The following B3GAT2 variants were observed in gnomAD, a reference collection of about 807,000 sequenced individuals.
B3GAT2 encodes the protein galactosylgalactosylxylosylprotein 3-beta-glucuronosyltransferase 2.
Under a neutral mutation model 27.8 loss-of-function variants are expected in B3GAT2, and 26 were observed. The ratio of observed to expected loss-of-function variants is 0.93; its 90% CI spans 0.68 to 1.30. The LOEUF (loss-of-function observed/expected upper bound fraction) is 1.30, where lower values mean the gene tolerates loss of function less well. Among genes scored for constraint, B3GAT2 ranks in the 50% most tolerant of loss-of-function variants. B3GAT2 has a pLI of 0.00. For synonymous variants in B3GAT2, 218 were observed against 195.1 expected (o/e 1.12, Z -0.98); for missense variants, 458 against 459.0 (o/e 1.00, Z 0.02).
At chr6:70,916,986 T>G (rs1193566431) in intron 1 of B3GAT2, among the ~76,000 whole-genome samples, 2 of 152,154 alleles carry the variant, frequency 1.3e-5, no homozygotes, top group Non-Finnish European at 2.9e-5. Context: ...CTAGCTCCTC[T>G]TTGTGCCCCT....
intron 1 of B3GAT2, among the ~76,000 whole-genome samples, chr6:70,935,077 T>C (rs540625859): frequency 6.6e-6 from 1 of 151,968 alleles, no homozygotes; most frequent in Non-Finnish European, 1.5e-5. Context: ...GGAGATGACT[T>C]TGAACCTCAA....
chr6:70,873,672 C>T (rs117031243), intron 2 of B3GAT2, among the ~76,000 whole-genome samples: 4,408 of 151,908 alleles, frequency 0.029, 88 homozygotes, highest in Middle Eastern at 0.051. Context: ...TCTTTTTCTA[C>T]GACTCATAAT....
At chr6:70,887,358 C>G (rs1772204809) in intron 2 of B3GAT2, among the ~76,000 whole-genome samples, 1 of 152,192 alleles carries the variant, frequency 6.6e-6, no homozygotes, top group Admixed American at 6.5e-5. Flanking sequence ...CACGTCCCTG[C>G]AGAGAGCCCA....
At chr6:70,945,088 A>C (rs1368313314) in intron 1 of B3GAT2, among the ~76,000 whole-genome samples, 6 of 152,160 alleles carry the variant, frequency 3.9e-5, no homozygotes, top group Non-Finnish European at 8.8e-5. Context: ...ACCATCATCA[A>C]AGACCAAAAG....
chr6:70,906,813 C>T (rs1772609308), intron 1 of B3GAT2, among the ~76,000 whole-genome samples: 1 of 152,152 alleles, frequency 6.6e-6, no homozygotes, highest in African/African-American at 2.4e-5. Flanking sequence ...TAATTAACAT[C>T]TAATACTGCT....
At chr6:70,954,935 G>A (rs1013146257) in intron 1 of B3GAT2, among the ~76,000 whole-genome samples, 1 of 150,892 alleles carries the variant, frequency 6.6e-6, no homozygotes, top group East Asian at 2.0e-4. Flanking sequence ...CGGTGCGCGC[G>A]TGGCCATCCC....
rs543635050 is a variant in B3GAT2, at chr6:70,860,115, A to G, written c.*1548T>C. 1.4e-5 allele frequency: 20 copies of G among 1,456,094 alleles called. No homozygotes were observed. In the South Asian group the frequency reaches 2.4e-4, roughly 18 times the overall value. The allele number at this position is 1,456,094 out of a possible 1,614,324, so 90.2% of individuals were successfully genotyped here. A position where few individuals can be genotyped will look rare whatever the true frequency, so the allele number is the denominator to read the frequency against. Reference sequence around the variant, plus strand: ...GCTTGGACTAGTTGTCACATTAATGAAAAAATGACCAACTGTGTGGCTAAA... The same window carrying G: ...GCTTGGACTAGTTGTCACATTAATGGAAAAATGACCAACTGTGTGGCTAAA... On this transcript the variant is annotated 3_prime_UTR_variant, in exon 4 of 4. Coordinates refer to ENST00000230053, the MANE Select transcript of B3GAT2 (RefSeq NM_080742.3).
chr6:70,895,811 T>TAAC (rs1772373728), intron 1 of B3GAT2, among the ~76,000 whole-genome samples: 1 of 150,742 alleles, frequency 6.6e-6, no homozygotes, highest in Non-Finnish European at 1.5e-5. Flanking sequence ...TGTCTTGTGC[T>TAAC]AACTCACACT....
At chr6:70,917,585 T>C (rs183152074) in intron 1 of B3GAT2, among the ~76,000 whole-genome samples, 8 of 152,352 alleles carry the variant, frequency 5.3e-5, no homozygotes, top group African/African-American at 1.9e-4. Flanking sequence ...TCAGAGATTC[T>C]TGAACGTTGT....
At chr6:70,920,099 T>C (rs1281873210) in intron 1 of B3GAT2, among the ~76,000 whole-genome samples, 3 of 151,678 alleles carry the variant, frequency 2.0e-5, no homozygotes, top group African/African-American at 7.3e-5. Context: ...GCTGTGAGCA[T>C]AGAACCGCTT....
rs1582407400 is a variant in B3GAT2, at chr6:70,956,500, A to C, written c.-71T>G. On this transcript the variant is annotated 5_prime_UTR_variant, in exon 1 of 4. Transcript: ENST00000230053. ...CGAGGGACCCCAGTGCGCAGCTTGG[A>C]CAGCGGCGGCGCCAGCACTTAGGGA... The C allele has an allele frequency of 9.1e-6, 14 of 1,544,090 alleles. No individual in the cohort carries two copies. The highest frequency in any genetic ancestry group is 1.2e-5 in the South Asian group (1 of 83,148).
chr6:70,862,381 CTCTCCTGCCTGCCCTGT>C (rs1443649206), intron 2 of B3GAT2, among the ~76,000 whole-genome samples: 1 of 152,172 alleles, frequency 6.6e-6, no homozygotes, highest in African/African-American at 2.4e-5. Context: ...ACATGCCCAG[CTCTCCTGCCTGCCCTGT>C]AATATTAATT....
At chr6:70,921,473 A>T (rs1246827220) in intron 1 of B3GAT2, among the ~76,000 whole-genome samples, 1 of 152,140 alleles carries the variant, frequency 6.6e-6, no homozygotes, top group Admixed American at 6.5e-5. Flanking sequence ...TTCTTTCTTA[A>T]AATGGCTATT....
chr6:70,915,786 T>C (rs1283711754), intron 1 of B3GAT2, among the ~76,000 whole-genome samples: 1 of 152,222 alleles, frequency 6.6e-6, no homozygotes, highest in Non-Finnish European at 1.5e-5. Flanking sequence ...ACCAGTAACA[T>C]GCTGTTTTGG....
At chr6:70,951,632 T>C (rs1171590716) in intron 1 of B3GAT2, among the ~76,000 whole-genome samples, 1 of 152,064 alleles carries the variant, frequency 6.6e-6, no homozygotes, top group South Asian at 2.1e-4. Flanking sequence ...AACATCCAAA[T>C]GAAAACTACT....
chr6:70,943,989 G>A (rs942426844), intron 1 of B3GAT2, among the ~76,000 whole-genome samples: 18 of 152,132 alleles, frequency 1.2e-4, no homozygotes, highest in African/African-American at 4.3e-4. Context: ...AAAATTGTAA[G>A]GTAATGAATA....
At chr6:70,874,711 C>T (rs772808628) in intron 2 of B3GAT2, among the ~76,000 whole-genome samples, 2 of 152,164 alleles carry the variant, frequency 1.3e-5, no homozygotes, top group Non-Finnish European at 2.9e-5. Flanking sequence ...CAAACGCCCC[C>T]AGGGAAAAGC....
intron 1 of B3GAT2, among the ~76,000 whole-genome samples, chr6:70,923,858 T>C (rs1772910880): frequency 6.6e-6 from 1 of 152,226 alleles, no homozygotes; most frequent in African/African-American, 2.4e-5. Flanking sequence ...CATTTTTCTA[T>C]GCTGTATCAT....
At chr6:70,907,959 G>C (rs1169463353) in intron 1 of B3GAT2, among the ~76,000 whole-genome samples, 1 of 152,188 alleles carries the variant, frequency 6.6e-6, no homozygotes, top group Non-Finnish European at 1.5e-5. Context: ...TTTGTCACCT[G>C]TACCCAAAAG....
Sources: gnomAD v4.1 joint callset for allele counts (sites outside exome capture counted in the v4.1 genomes callset) on GRCh38, gnomAD v4.1.1 for gene constraint, MANE v1.5 for transcripts, NCBI Gene and HGNC (gene_info 2026-07-23, HGNC 2026-07-21) for gene names.